The following FAM110B variants were observed in gnomAD, a reference collection of about 807,000 sequenced individuals.
FAM110B encodes protein FAM110B.
Under a neutral mutation model 20.4 loss-of-function variants are expected in FAM110B, and 6 were observed. That is an observed-to-expected ratio of 0.29 (90% confidence interval 0.16 to 0.58). The LOEUF is 0.58. Ranked by LOEUF, FAM110B falls within the 20% of genes least tolerant of loss-of-function variation. FAM110B has a pLI of 0.90. For missense variants in FAM110B, 434 were observed against 498.2 expected (o/e 0.87, Z 1.23); for synonymous variants, 226 against 214.1 (o/e 1.06, Z -0.49).
chr8:58,125,003 A>G (rs1807460530), intron 3 of FAM110B, among the ~76,000 whole-genome samples: 1 of 152,230 alleles, frequency 6.6e-6, no homozygotes, highest in African/African-American at 2.4e-5. Flanking sequence ...ACAGTAAGAA[A>G]TCATTGAAAT....
intron 3 of FAM110B, among the ~76,000 whole-genome samples, chr8:58,108,159 T>C (rs1806967134): frequency 6.6e-6 from 1 of 152,166 alleles, no homozygotes; most frequent in African/African-American, 2.4e-5. Flanking sequence ...GAGTTCTTAC[T>C]CCAAAACATT....
intron 3 of FAM110B, among the ~76,000 whole-genome samples, chr8:58,086,772 C>T (rs183386970): frequency 1.3e-3 from 194 of 152,318 alleles, no homozygotes; most frequent in African/African-American, 4.5e-3. Flanking sequence ...TTTAAGGGTC[C>T]ATTTCAATAG....
At chr8:58,037,331 T>TTTG (rs1563347270) in intron 2 of FAM110B, among the ~76,000 whole-genome samples, 3,496 of 146,434 alleles carry the variant, frequency 0.024, 152 homozygotes, top group African/African-American at 0.087. Context: ...TTGTTTGTTT[T>TTTG]TTTAATTAAA....
chr8:58,107,917 G>A (rs1057445087), intron 3 of FAM110B, among the ~76,000 whole-genome samples: 13 of 152,198 alleles, frequency 8.5e-5, no homozygotes, highest in Admixed American at 5.9e-4. Context: ...AGGGAATGAA[G>A]CTGATTTAAA....
intron 3 of FAM110B, among the ~76,000 whole-genome samples, chr8:58,088,716 G>A (rs763082608): frequency 2.4e-4 from 37 of 152,270 alleles, no homozygotes; most frequent in Non-Finnish European, 4.9e-4. Flanking sequence ...AGAGTGAAAA[G>A]AGGGTGGAGG....
intron 3 of FAM110B, among the ~76,000 whole-genome samples, chr8:58,085,468 G>A (rs370602195): frequency 5.3e-5 from 8 of 152,114 alleles, no homozygotes; most frequent in South Asian, 4.1e-4. Context: ...AGCCGAGATC[G>A]CACCACTGCA....
intron 3 of FAM110B, among the ~76,000 whole-genome samples, chr8:58,131,635 T>C (rs1488684055): frequency 3.3e-5 from 5 of 152,268 alleles, no homozygotes; most frequent in Non-Finnish European, 7.3e-5. Context: ...TAGTAAATCC[T>C]TGCTCTGCTT....
intron 3 of FAM110B, among the ~76,000 whole-genome samples, chr8:58,117,359 A>G (rs1807240023): frequency 6.6e-6 from 1 of 152,208 alleles, no homozygotes; most frequent in South Asian, 2.1e-4. Context: ...AACTGCAGAA[A>G]AAGCTTCAGA....
At chr8:58,114,248 G>A (rs1210282091) in intron 3 of FAM110B, among the ~76,000 whole-genome samples, 1 of 152,192 alleles carries the variant, frequency 6.6e-6, no homozygotes, top group African/African-American at 2.4e-5. Flanking sequence ...TCTGGTCTGA[G>A]AGGGTTACTA....
intron 2 of FAM110B, among the ~76,000 whole-genome samples, chr8:58,041,354 T>C (rs1805216538): frequency 6.6e-6 from 1 of 152,174 alleles, no homozygotes. Flanking sequence ...TGTTTTAATC[T>C]AAAAGGTGAT....
intron 1 of FAM110B, among the ~76,000 whole-genome samples, chr8:58,004,632 C>A (rs913186578): frequency 6.6e-6 from 1 of 152,168 alleles, no homozygotes. Context: ...GTAGTCCCAG[C>A]TACATGGGAG....
intron 2 of FAM110B, among the ~76,000 whole-genome samples, chr8:58,071,734 T>C (rs1805900473): frequency 1.3e-5 from 2 of 151,720 alleles, no homozygotes; most frequent in African/African-American, 4.8e-5. Flanking sequence ...TTGCCATGAA[T>C]TGTAATAGAG....
intron 1 of FAM110B, among the ~76,000 whole-genome samples, chr8:58,021,744 A>G (rs1804759483): frequency 6.6e-6 from 1 of 152,140 alleles, no homozygotes; most frequent in African/African-American, 2.4e-5. Flanking sequence ...TTATAGCACA[A>G]TGGTTAAAGG....
intron 2 of FAM110B, among the ~76,000 whole-genome samples, chr8:58,062,114 C>T (rs945651039): frequency 1.3e-5 from 2 of 152,070 alleles, no homozygotes; most frequent in East Asian, 3.8e-4. Context: ...TGAAAAAGGT[C>T]CCATGGTTGT....
chr8:58,022,743 G>C (rs1015036998), intron 1 of FAM110B, among the ~76,000 whole-genome samples: 1 of 152,250 alleles, frequency 6.6e-6, no homozygotes, highest in East Asian at 1.9e-4. Flanking sequence ...CTTTTCTTAG[G>C]GAAGGCCAAA....
At chr8:58,011,484 C>T (rs1425363742) in intron 1 of FAM110B, among the ~76,000 whole-genome samples, 2 of 152,132 alleles carry the variant, frequency 1.3e-5, no homozygotes, top group African/African-American at 4.8e-5. Flanking sequence ...CAAATTCCAC[C>T]TCATTTTAAT....
intron 2 of FAM110B, among the ~76,000 whole-genome samples, chr8:58,034,926 C>G (rs1056454232): frequency 7.2e-5 from 11 of 152,120 alleles, no homozygotes; most frequent in Admixed American, 7.2e-4. Flanking sequence ...GGGGGAATAT[C>G]TAATAGTAGT....
At chr8:58,077,601 C>T (rs764288892) in intron 3 of FAM110B, among the ~76,000 whole-genome samples, 4 of 152,046 alleles carry the variant, frequency 2.6e-5, no homozygotes, top group Non-Finnish European at 5.9e-5. Flanking sequence ...TCTCATATGC[C>T]AAGTAAGAAG....
chr8:58,118,084 T>G (rs1047273897), intron 3 of FAM110B, among the ~76,000 whole-genome samples: 4 of 152,246 alleles, frequency 2.6e-5, no homozygotes, highest in Non-Finnish European at 5.9e-5. Context: ...ATTAGCTTTA[T>G]GTTTAGCTTT....
Sources: allele counts gnomAD v4.1 joint callset (sites outside exome capture counted in the v4.1 genomes callset), GRCh38; gene constraint gnomAD v4.1.1; transcripts MANE v1.5; gene names NCBI Gene and HGNC (gene_info 2026-07-23, HGNC 2026-07-21).